The following EML2 variants were observed in gnomAD, a reference collection of about 807,000 sequenced individuals.
EML2 encodes EMAP like 2, also known as echinoderm microtubule-associated protein-like 2.
In EML2, 59 loss-of-function variants were observed where a neutral mutation model predicts 84.7. The observed-to-expected ratio is 0.70, with a 90% CI of 0.56 to 0.86. The LOEUF is 0.86. Among genes scored for constraint, EML2 ranks in the 40% least tolerant of loss-of-function variants. The pLI is 0.00. For synonymous variants in EML2, 352 were observed against 348.9 expected, an observed-to-expected ratio of 1.01 and a Z score of -0.10; for missense variants, 818 against 855.6, an observed-to-expected ratio of 0.96 and a Z score of 0.55.
intron 7 of EML2, among the ~76,000 whole-genome samples, chr19:45,629,492 T>G (rs913748348): frequency 2.0e-5 from 3 of 151,966 alleles, no homozygotes; most frequent in African/African-American, 7.3e-5. Context: ...GCCCAGCTAA[T>G]TTTGTATTTT....
In EML2 at chr19:45,626,715, C is replaced by T. The variant is rs1174101921; in HGVS notation, c.731G>A (p.Gly244Asp). Residue 244 changes from glycine to aspartate, a missense_variant, in exon 8 of 19, where the codon GGC becomes GAC. By Grantham distance (94) the Gly-to-Asp change is moderately conservative. Coordinates refer to ENST00000245925, the MANE Select transcript of EML2 (RefSeq NM_012155.4). ...LEGGSLSKRQ[G>D]LFEKHEKPKY... Reference sequence around the variant, plus strand: ...ACCCCTGGCACTCACCTCAAAGAGGCCTTGCCGCTTGCTCAAGCTGCCCCC... The same window carrying T: ...ACCCCTGGCACTCACCTCAAAGAGGTCTTGCCGCTTGCTCAAGCTGCCCCC... The T allele has an allele frequency of 1.2e-6, 2 of 1,613,638 alleles. No individual in the cohort carries two copies. The highest frequency in any genetic ancestry group is 1.7e-6 in the Non-Finnish European group (2 of 1,179,776).
chr19:45,642,157 G>T (rs1186618442), upstream of EML2: 3 of 1,515,840 alleles, frequency 2.0e-6, no homozygotes, highest in Non-Finnish European at 2.6e-6. Context: ...GCCTAAGCGC[G>T]GAGGCGCCCG....
At chr19:45,636,961 A>G (rs371512689) in intron 3 of EML2, among the ~76,000 whole-genome samples, 3 of 152,260 alleles carry the variant, frequency 2.0e-5, no homozygotes, top group Admixed American at 6.5e-5. Context: ...ATGATTGTCA[A>G]TATACATATA....
chr19:45,619,688 G>T (rs1205243904), intron 11 of EML2, among the ~76,000 whole-genome samples: 3 of 152,214 alleles, frequency 2.0e-5, no homozygotes, highest in African/African-American at 7.2e-5. Context: ...TGGGACCTCA[G>T]TTTGATCGCC....
chr19:45,615,872 G>A lies in EML2; in HGVS notation c.1527C>T (p.Ile509=), dbSNP rs759008814. The A allele has an allele frequency of 4.3e-6, 7 of 1,613,962 alleles. No individual in the cohort carries two copies. The Admixed American group carries it at 8.3e-5, about 19-fold the overall frequency. Residue 509 remains isoleucine (I), a synonymous_variant, in exon 16 of 19, where the codon ATC becomes ATT. Coordinates refer to ENST00000245925, the MANE Select transcript of EML2 (RefSeq NM_012155.4). The part of the protein sequence containing the change: ...LGKCSGHSSF[I]THLDWAQDSS... ...TGTCCTGGGCCCAATCCAGGTGGGT[G>A]ATAAAACTGGAATGGCCCTGCGGGG...
intron 6 of EML2, among the ~76,000 whole-genome samples, chr19:45,630,720 C>G (rs1214660916): frequency 6.6e-6 from 1 of 152,154 alleles, no homozygotes; most frequent in Non-Finnish European, 1.5e-5. Context: ...TATTGTTTCT[C>G]TGCAGCCAGC....
intron 9 of EML2, among the ~76,000 whole-genome samples, chr19:45,622,814 G>A (rs1317092604): frequency 2.0e-5 from 3 of 152,166 alleles, no homozygotes; most frequent in East Asian, 1.9e-4. Context: ...TTGGGAGGCC[G>A]AAGGGGGCGG....
chr19:45,621,976 C>A (rs1343415056), intron 9 of EML2, among the ~76,000 whole-genome samples: 2 of 152,180 alleles, frequency 1.3e-5, no homozygotes, highest in Non-Finnish European at 2.9e-5. Flanking sequence ...CTCCTGACCT[C>A]AAGTGATCCA....
At chr19:45,645,395 C>G (rs1372174117), upstream of EML2, 1 of 1,497,964 alleles carries the variant, frequency 6.7e-7, no homozygotes, top group Non-Finnish European at 8.8e-7. Context: ...CCGGTCCCCC[C>G]AACCAGGCCC....
intron 3 of EML2, 55 bp downstream of exon 3, chr19:45,638,450 T>A (rs1600224366): frequency 6.2e-7 from 1 of 1,611,402 alleles, no homozygotes; most frequent in East Asian, 2.2e-5. Context: ...TTGACCGCCT[T>A]TCTATTTCCT....
chr19:45,642,664 T>C, upstream of EML2: 1 of 537,204 alleles, frequency 1.9e-6, no homozygotes. Context: ...GGCTTTAAGA[T>C]GCTATGACTA....
chr19:45,610,286 A>T (rs972216345), intron 18 of EML2, among the ~76,000 whole-genome samples: 1 of 152,324 alleles, frequency 6.6e-6, no homozygotes, highest in South Asian at 2.1e-4. Context: ...AATCCGAGCT[A>T]CTTCGGAGGC....
At chr19:45,635,119 G>T (rs1348853810) in intron 3 of EML2, among the ~76,000 whole-genome samples, 3 of 152,056 alleles carry the variant, frequency 2.0e-5, no homozygotes, top group Non-Finnish European at 4.4e-5. Context: ...AAAGTGCTGG[G>T]ATTACAGGCG....
At chr19:45,633,022 C>T in intron 5 of EML2, 48 bp downstream of exon 5, 1 of 1,601,174 alleles carries the variant, frequency 6.2e-7, no homozygotes, top group Non-Finnish European at 8.5e-7. Context: ...GCTTGTCCCC[C>T]ACAACTGCGT....
At chr19:45,624,650 G>A (rs754723021) in intron 9 of EML2, 69 bp downstream of exon 9, 117 of 1,186,054 alleles carry the variant, frequency 9.9e-5, no homozygotes, top group Admixed American at 3.4e-4. Flanking sequence ...AGAATTCCAC[G>A]AAGGGAGGCA....
upstream of EML2, chr19:45,641,667 G>A (rs979619692): frequency 1.3e-6 from 2 of 1,536,178 alleles, no homozygotes; most frequent in South Asian, 2.4e-5. Context: ...TACAGTTGCT[G>A]CTGGAGGATG....
intron 18 of EML2, among the ~76,000 whole-genome samples, chr19:45,610,717 G>C (rs1326319124): frequency 6.6e-6 from 1 of 151,706 alleles, no homozygotes; most frequent in African/African-American, 2.4e-5. Flanking sequence ...GCACACGCCT[G>C]TAGTCCCAGC....
At position 45,639,283 on chromosome 19, in the gene EML2, G is replaced by T. The variant is rs1417784571; in HGVS notation, c.20+74C>A. The stretch of plus-strand genomic sequence containing the variant: ...CCCCACGCCGGTCTGGGTCCCAGGG[G>T]TTGGGTGAAACCTGAGATCTAAGCC... On this transcript the variant is annotated intron_variant, in intron 1 of 18. Transcript: ENST00000245925. 8 of 1,319,968 alleles carry T rather than the reference G, an allele frequency of 6.1e-6. No homozygotes were observed. In the African/African-American group the frequency reaches 6.1e-5, roughly 10 times the overall value. The allele number at this position is 1,319,968 out of a possible 1,614,324, so 81.8% of individuals were successfully genotyped here.
upstream of EML2, among the ~76,000 whole-genome samples, chr19:45,643,202 A>G (rs1001065477): frequency 6.6e-6 from 1 of 152,110 alleles, no homozygotes; most frequent in African/African-American, 2.4e-5. Flanking sequence ...CCAAGCCAAA[A>G]GGTCATGCCT....
Sources: gnomAD v4.1 joint callset for allele counts (sites outside exome capture counted in the v4.1 genomes callset) on GRCh38, gnomAD v4.1.1 for gene constraint, MANE v1.5 for transcripts, NCBI Gene and HGNC (gene_info 2026-07-23, HGNC 2026-07-21) for gene names.